Variants in PLEKHG6 observed in about 807,000 individuals in gnomAD.
PLEKHG6 encodes pleckstrin homology domain-containing family G member 6.
A neutral mutation model predicts 97.5 loss-of-function variants in PLEKHG6; 91 were observed. The ratio of observed to expected loss-of-function variants is 0.93; its 90% CI spans 0.79 to 1.11. The LOEUF (loss-of-function observed/expected upper bound fraction) is 1.11. PLEKHG6 is among the 50% of genes most tolerant of loss of function. The probability of loss-of-function intolerance (pLI) is 0.00; values close to 1 mark genes in which losing one functional copy is unlikely to be tolerated. For synonymous variants in PLEKHG6, 466 were observed against 425.5 expected, an observed-to-expected ratio of 1.10 and a Z score of -1.17; for missense variants, 1,044 against 1,031.0, an observed-to-expected ratio of 1.01 and a Z score of -0.17.
At chr12:6,312,753 C>A in intron 2 of PLEKHG6, 1 of 1,167,700 alleles carries the variant, frequency 8.6e-7, no homozygotes, top group Non-Finnish European at 1.1e-6. Flanking sequence ...TGAAGATGAG[C>A]AAAGGTTCAG....
intron 10 of PLEKHG6, 149 bp from the exon 11 acceptor site, chr12:6,318,151 AG>A: frequency 7.2e-7 from 1 of 1,387,318 alleles, no homozygotes; most frequent in East Asian, 2.4e-5. Flanking sequence ...AGGTCAGAAG[AG>A]CAAAAAGGAG....
Position 6,328,265 on chromosome 12 carries a change from GC to G in PLEKHG6, c.*123del. The G allele has an allele frequency of 9.9e-7, 1 of 1,010,696 alleles. No homozygotes were observed. The highest frequency in any genetic ancestry group is 1.5e-6 in the Non-Finnish European group (1 of 650,698). 62.6% of individuals were successfully genotyped at this position (1,010,696 alleles called of 1,614,324 possible). On this transcript the variant is annotated 3_prime_UTR_variant, in exon 16 of 16. Transcript: ENST00000684764. ...GACCACATTTCCCAAAGGAAGCCTG[GC>G]CCAGGCACCCTGCCTCCTGCTCTGT...
Position 6,318,807 on chromosome 12 carries a change from G to A in PLEKHG6, c.1338G>A (p.Ala446=), listed in dbSNP as rs745931102. ...TTGTGACCAAGCCCCAGCGCAAGGCGGACAAAGCCAAGGTCATCCGACCCC... is the reference window on the plus strand; with the variant it reads ...TTGTGACCAAGCCCCAGCGCAAGGCAGACAAAGCCAAGGTCATCCGACCCC... ...VLLVTKPQRK[A]DKAKVIRPPL... The change falls in exon 12 of 16, where the codon GCG becomes GCA. Residue 446 remains alanine, a synonymous_variant. Transcript: ENST00000684764. 3.7e-5 allele frequency: 59 copies of A among 1,614,022 alleles called. No homozygotes were observed. Among genetic ancestry groups the A allele is most frequent in the Non-Finnish European group, 4.5e-5 (53 of 1,180,028 alleles).
intron 11 of PLEKHG6, 31 bp downstream of exon 11, chr12:6,318,451 T>C (rs771922096): frequency 1.3e-6 from 2 of 1,568,518 alleles, no homozygotes; most frequent in Non-Finnish European, 1.7e-6. Context: ...GTGGAGGGGA[T>C]GGGGCACGGT....
At chr12:6,312,502 G>A (rs963819825) in intron 2 of PLEKHG6, 138 bp downstream of exon 2, 56 of 1,146,254 alleles carry the variant, frequency 4.9e-5, no homozygotes, top group Admixed American at 2.5e-4. Flanking sequence ...CCTGGGTTGC[G>A]GGAAAGAGGA....
Position 6,315,858 on chromosome 12 carries a change from C to A in PLEKHG6, c.556-11C>A. The A allele has an allele frequency of 6.4e-7, 1 of 1,557,228 alleles. No individual in the cohort carries two copies. Among genetic ancestry groups the A allele is most frequent in the Non-Finnish European group, 8.7e-7 (1 of 1,150,082 alleles). ...CGCTGGGTCCTGAGACCCTCGTCTC[C>A]CTCCCTGCAGCTGCTAGCCGCCGGC... On this transcript the variant is annotated splice_polypyrimidine_tract_variant and intron_variant, in intron 5 of 15. Coordinates refer to ENST00000684764, the MANE Select transcript of PLEKHG6 (RefSeq NM_001384598.1). The surrounding 1 kb of genome is among the most constrained non-coding windows in gnomAD (Gnocchi z 4.5).
chr12:6,328,062 C>T (rs1007485452), intron 15 of PLEKHG6, 74 bp from the exon 16 acceptor site: 2 of 1,591,872 alleles, frequency 1.3e-6, no homozygotes, highest in African/African-American at 2.7e-5. Context: ...AGGAAGGGCT[C>T]TCCGCCTCAC....
intron 10 of PLEKHG6, 110 bp from the exon 11 acceptor site, chr12:6,318,191 G>T: frequency 3.2e-6 from 5 of 1,546,894 alleles, no homozygotes; most frequent in Non-Finnish European, 4.4e-6. Flanking sequence ...TAGCCCATGG[G>T]GGAAGGATAC....
chr12:6,310,408 C>T (rs1947215635), upstream of PLEKHG6: 1 of 152,370 alleles, frequency 6.6e-6, no homozygotes, highest in African/African-American at 2.4e-5. Context: ...CGGCGGCGCC[C>T]CGCCCCTTAC....
chr12:6,318,057 G>A (rs1947551331), intron 10 of PLEKHG6, 63 bp downstream of exon 10: 4 of 1,507,554 alleles, frequency 2.7e-6, no homozygotes, highest in Admixed American at 4.4e-5. Flanking sequence ...GTGAAGGGGA[G>A]GGCTGCAAGG....
chr12:6,313,289 C>T, intron 2 of PLEKHG6: 2 of 1,132,392 alleles, frequency 1.8e-6, no homozygotes, highest in Non-Finnish European at 2.6e-6. Context: ...ATGCACCCCC[C>T]ATGGTACGGA....
chr12:6,325,421 A>T (rs555955096), intron 13 of PLEKHG6, among the ~76,000 whole-genome samples: 1 of 152,222 alleles, frequency 6.6e-6, no homozygotes, highest in East Asian at 1.9e-4. Flanking sequence ...GTATCAAATG[A>T]CCACATGTGC....
intron 10 of PLEKHG6, 121 bp from the exon 11 acceptor site, chr12:6,318,180 C>T: frequency 6.6e-7 from 1 of 1,515,542 alleles, no homozygotes; most frequent in Non-Finnish European, 9.0e-7. Flanking sequence ...GAGGCTTTCT[C>T]TAGCCCATGG....
chr12:6,311,209 A>G (rs923282786), intron 1 of PLEKHG6: 1 of 152,030 alleles, frequency 6.6e-6, no homozygotes, highest in Non-Finnish European at 1.5e-5. Flanking sequence ...GGCCCTGCCC[A>G]CTCGAGGGCG....
intron 11 of PLEKHG6, 135 bp from the exon 12 acceptor site, chr12:6,318,609 GC>G: frequency 1.7e-6 from 2 of 1,162,286 alleles, no homozygotes; most frequent in East Asian, 2.5e-5. Context: ...CCAAAGCGAC[GC>G]CCCTGGCCAC....
In PLEKHG6 at chr12:6,327,600, G is replaced by A. The variant is rs1446445322; in HGVS notation, c.2017G>A (p.Gly673Arg). Residue 673 changes from glycine (G) to arginine (R), a missense_variant, in exon 15 of 16, where the codon GGG becomes AGG. Transcript: ENST00000684764. ...DPPTWSEEED[G>R]ASERGNVVVE... The stretch of plus-strand genomic sequence containing the variant: ...ACCAACCTGGTCTGAGGAAGAAGAT[G>A]GGGCCTCCGAGCGAGGGAATGTGGT... The A allele has an allele frequency of 1.9e-6, 3 of 1,586,034 alleles. No individual in the cohort carries two copies. The highest frequency in any genetic ancestry group is 3.6e-5 in the Admixed American group (2 of 55,730).
In PLEKHG6 at chr12:6,325,699, A is replaced by G. The variant is rs1947836945; in HGVS notation, c.1525-729A>G. Among the ~76,000 whole-genome samples the G allele has an allele frequency of 3.3e-5, 5 of 152,284 alleles. No individual in the cohort carries two copies. In the South Asian group the frequency reaches 1.0e-3, roughly 32 times the overall value. ...GCTCTTGAAGGAGCAACCAGTACCA[A>G]TTCAGAACACTTATTCTACCATCAC... On this transcript the variant is annotated intron_variant, in intron 13 of 15. Transcript: ENST00000684764.
chr12:6,318,245 C>T (rs905177228), intron 10 of PLEKHG6, 56 bp from the exon 11 acceptor site: 1 of 1,610,396 alleles, frequency 6.2e-7, no homozygotes, highest in Non-Finnish European at 8.5e-7. Flanking sequence ...CGCCCTTGGC[C>T]AGGAAGTCCA....
intron 9 of PLEKHG6, 75 bp from the exon 10 acceptor site, chr12:6,317,782 G>A (rs528126778): frequency 1.2e-4 from 185 of 1,555,548 alleles, no homozygotes; most frequent in Non-Finnish European, 1.4e-4. Context: ...ACAGTGTGGC[G>A]CTGTGCTGTG....
Sources: allele counts gnomAD v4.1 joint callset (sites outside exome capture counted in the v4.1 genomes callset), GRCh38; gene constraint gnomAD v4.1.1; non-coding constraint Gnocchi (gnomAD v3.1); transcripts MANE v1.5; gene names NCBI Gene and HGNC (gene_info 2026-07-23, HGNC 2026-07-21).